Variants in VPS13A observed in about 807,000 individuals in gnomAD.
VPS13A encodes the protein vacuolar protein sorting 13 homolog A.
Under a neutral mutation model 390.9 loss-of-function variants are expected in VPS13A, and 264 were observed. The observed-to-expected ratio is 0.68, with a 90% CI of 0.61 to 0.75. The LOEUF (loss-of-function observed/expected upper bound fraction) is 0.75, where lower values mean the gene tolerates loss of function less well. Among genes scored for constraint, VPS13A ranks in the 30% least tolerant of loss-of-function variants. VPS13A has a pLI of 0.00. For missense variants in VPS13A, 3,409 were observed against 3,733.9 expected (o/e 0.91, Z 2.27); for synonymous variants, 1,231 against 1,227.1 (o/e 1.00, Z -0.07).
intron 50 of VPS13A, 131 bp from the exon 51 acceptor site, chr9:77,344,022 C>G (rs1830992110): frequency 1.2e-6 from 1 of 819,324 alleles, no homozygotes; most frequent in African/African-American, 1.7e-5. Context: ...TTTAAACAAC[C>G]CAATAACTAG....
intron 38 of VPS13A, among the ~76,000 whole-genome samples, chr9:77,315,758 C>G (rs1254465551): frequency 1.3e-5 from 2 of 151,998 alleles, no homozygotes; most frequent in Admixed American, 1.3e-4. Flanking sequence ...TGGAAAAAAA[C>G]AAGCAGAGCA....
chr9:77,357,659 T>C (rs745405554), intron 55 of VPS13A, 33 bp from the exon 56 acceptor site: 2 of 1,605,868 alleles, frequency 1.2e-6, no homozygotes, highest in South Asian at 1.1e-5. Flanking sequence ...ATAGATAAAT[T>C]AATTTTTTCA....
intron 69 of VPS13A, among the ~76,000 whole-genome samples, chr9:77,404,852 G>C (rs1834526349): frequency 6.6e-6 from 1 of 152,124 alleles, no homozygotes; most frequent in Non-Finnish European, 1.5e-5. Flanking sequence ...GATGTCCTGG[G>C]GCACCACTAG....
At chr9:77,400,223 A>ATTTTTTTTTTTTTTTTTTTTTTTTTTTT (rs34605855) in intron 68 of VPS13A, among the ~76,000 whole-genome samples, 8 of 88,118 alleles carry the variant, frequency 9.1e-5, no homozygotes, top group African/African-American at 3.6e-4. Context: ...TATCAGTCAG[A>ATTTTTTTTTTTTTTTTTTTTTTTTTTTT]TTTTTTTTTT....
chr9:77,340,971 C>T (rs1006802262), intron 50 of VPS13A, among the ~76,000 whole-genome samples: 2 of 152,076 alleles, frequency 1.3e-5, no homozygotes, highest in Non-Finnish European at 2.9e-5. Context: ...TGATTTTGTG[C>T]CATCATTAAA....
chr9:77,188,934 G>A (rs757819132), intron 1 of VPS13A, among the ~76,000 whole-genome samples: 1 of 151,810 alleles, frequency 6.6e-6, no homozygotes, highest in Non-Finnish European at 1.5e-5. Flanking sequence ...GTCTGCTCAT[G>A]TCCATTGCCC....
At position 77,416,018 on chromosome 9, in the gene VPS13A, G is replaced by T; in HGVS notation, c.*12G>T. 1 of 1,613,188 alleles carries T rather than the reference G, an allele frequency of 6.2e-7. No individual in the cohort carries two copies. Among genetic ancestry groups the T allele is most frequent in the Non-Finnish European group, 8.5e-7 (1 of 1,179,340 alleles). ...CTCCGAGCCTCTGACAGAGAACACT[G>T]CCTGAAGACACACAGCAATAAGTGA... is the stretch of plus-strand genomic sequence containing the variant. On this transcript the variant is annotated 3_prime_UTR_variant, in exon 72 of 72. Transcript: ENST00000360280.
At chr9:77,195,695 C>T (rs1824954797) in intron 1 of VPS13A, among the ~76,000 whole-genome samples, 1 of 152,114 alleles carries the variant, frequency 6.6e-6, no homozygotes, top group Admixed American at 6.5e-5. Context: ...TGAGATCGTG[C>T]CACTGCGCTC....
chr9:77,211,893 C>A (rs1265362132), intron 7 of VPS13A, among the ~76,000 whole-genome samples: 1 of 152,164 alleles, frequency 6.6e-6, no homozygotes, highest in Non-Finnish European at 1.5e-5. Context: ...GTGAGCATTA[C>A]CGCCTGAGCT....
At chr9:77,394,189 T>A (rs1322237136) in intron 68 of VPS13A, among the ~76,000 whole-genome samples, 1 of 150,780 alleles carries the variant, frequency 6.6e-6, no homozygotes, top group Non-Finnish European at 1.5e-5. Flanking sequence ...CTCAGCCTCT[T>A]GAGTAGCTGA....
intron 1 of VPS13A, among the ~76,000 whole-genome samples, chr9:77,188,888 T>C (rs868520403): frequency 6.6e-6 from 1 of 152,222 alleles, no homozygotes; most frequent in South Asian, 2.1e-4. Flanking sequence ...GTTTTTTTTT[T>C]CCATGTTTCT....
At chr9:77,207,494 G>T (rs1004947397) in intron 5 of VPS13A, among the ~76,000 whole-genome samples, 5 of 150,160 alleles carry the variant, frequency 3.3e-5, no homozygotes, top group Non-Finnish European at 5.9e-5. Flanking sequence ...GGTTAAATCA[G>T]AATTCATTGT....
chr9:77,408,577 C>T (rs1029648225), intron 71 of VPS13A, among the ~76,000 whole-genome samples: 5 of 152,218 alleles, frequency 3.3e-5, no homozygotes, highest in East Asian at 1.9e-4. Context: ...CCTGGAAAAT[C>T]GGGTCACTCC....
intron 45 of VPS13A, among the ~76,000 whole-genome samples, chr9:77,324,800 C>A (rs1474833871): frequency 6.6e-6 from 1 of 152,154 alleles, no homozygotes; most frequent in African/African-American, 2.4e-5. Context: ...TCTCAACCTC[C>A]CGAGCAGCAA....
chr9:77,221,271 G>A lies in VPS13A; in HGVS notation c.1076G>A (p.Arg359Lys). 3 of 1,613,338 alleles carry A rather than the reference G, an allele frequency of 1.9e-6. No homozygotes were observed. The highest frequency in any genetic ancestry group is 2.5e-6 in the Non-Finnish European group (3 of 1,179,534). ...TCATGGAAGCATATTAGAAAACATA[G>A]GCAAAAAGTGAAGCAATATAAAGAA... ...MWSWKHIRKH[R>K]QKVKQYKELY... The change falls in exon 13 of 72, where the codon AGG (arginine) becomes AAG (lysine). Residue 359 changes from arginine (R) to lysine (K), a missense_variant. By Grantham distance (26) the Arg-to-Lys change is conservative (BLOSUM62 2). This residue lies in a region of VPS13A where 2,717 missense variants were observed against 2,917.4 expected (regional missense o/e 0.93). Transcript: ENST00000360280.
intron 67 of VPS13A, among the ~76,000 whole-genome samples, chr9:77,380,672 T>A (rs1352049863): frequency 2.0e-5 from 3 of 152,258 alleles, no homozygotes; most frequent in Admixed American, 1.3e-4. Context: ...GTATACATTA[T>A]GTTAGCGGTC....
chr9:77,221,046 A>T (rs1823180980), intron 12 of VPS13A, 139 bp from the exon 13 acceptor site: 1 of 833,442 alleles, frequency 1.2e-6, no homozygotes, highest in Non-Finnish European at 1.9e-6. Context: ...GGAGTTGGGT[A>T]AAAAGGAAGT....
intron 45 of VPS13A, among the ~76,000 whole-genome samples, chr9:77,324,010 A>ATT (rs1226783770): frequency 6.6e-6 from 1 of 151,304 alleles, no homozygotes; most frequent in East Asian, 1.9e-4. Context: ...TTTCCAGAGG[A>ATT]TTTTAGGTCC....
At chr9:77,384,382 A>G (rs1027644749) in intron 68 of VPS13A, among the ~76,000 whole-genome samples, 21 of 151,896 alleles carry the variant, frequency 1.4e-4, no homozygotes, top group African/African-American at 5.1e-4. Context: ...TTATACATTG[A>G]GTTTGTACCA....
Sources: allele counts gnomAD v4.1 joint callset (sites outside exome capture counted in the v4.1 genomes callset), GRCh38; gene constraint gnomAD v4.1.1; regional missense constraint gnomAD v4.1.1; transcripts MANE v1.5; gene names NCBI Gene and HGNC (gene_info 2026-07-23, HGNC 2026-07-21).